ITGA9: variants seen among roughly 807,000 people sequenced by gnomAD.
The protein encoded by ITGA9 is integrin alpha-9.
A neutral mutation model predicts 127.8 loss-of-function variants in ITGA9; 56 were observed. The ratio of observed to expected loss-of-function variants is 0.44; its 90% CI spans 0.35 to 0.55. The LOEUF (loss-of-function observed/expected upper bound fraction) is 0.55, where lower values mean the gene tolerates loss of function less well. Among genes scored for constraint, ITGA9 ranks in the 20% least tolerant of loss-of-function variants. ITGA9 has a pLI of 0.00. For synonymous variants in ITGA9, 508 were observed against 514.5 expected, an observed-to-expected ratio of 0.99 and a Z score of 0.17; for missense variants, 1,196 against 1,347.1, an observed-to-expected ratio of 0.89 and a Z score of 1.76.
chr3:37,473,158 AAAAG>A (rs1559514811), intron 2 of ITGA9, among the ~76,000 whole-genome samples, 192 bp from the exon 3 acceptor site: 1 of 150,610 alleles, frequency 6.6e-6, no homozygotes, highest in South Asian at 2.1e-4. Context: ...AAAAAAAAAA[AAAAG>A]AAAGAAAAAG....
intron 15 of ITGA9, among the ~76,000 whole-genome samples, chr3:37,600,429 G>A (rs973430004): frequency 3.3e-5 from 5 of 152,050 alleles, no homozygotes; most frequent in South Asian, 4.2e-4. Context: ...TGCTACACTC[G>A]AGCCAAGGTG....
intron 23 of ITGA9, among the ~76,000 whole-genome samples, chr3:37,770,671 GAT>G (rs1457888279): frequency 6.6e-6 from 1 of 152,194 alleles, no homozygotes; most frequent in Non-Finnish European, 1.5e-5. Flanking sequence ...AATCAGCCCT[GAT>G]TCACACTTCA....
chr3:37,599,391 A>G (rs1225237797), intron 15 of ITGA9, among the ~76,000 whole-genome samples: 1 of 152,172 alleles, frequency 6.6e-6, no homozygotes, highest in Non-Finnish European at 1.5e-5. Flanking sequence ...GCCAATGCCT[A>G]TCATCATCCA....
At chr3:37,675,459 G>A (rs532674577) in intron 17 of ITGA9, among the ~76,000 whole-genome samples, 2 of 152,160 alleles carry the variant, frequency 1.3e-5, no homozygotes, top group East Asian at 3.9e-4. Flanking sequence ...TTTCAAACCT[G>A]TCTCCAGCTC....
intron 15 of ITGA9, among the ~76,000 whole-genome samples, chr3:37,581,936 A>G (rs940181678): frequency 2.0e-5 from 3 of 152,302 alleles, no homozygotes; most frequent in Admixed American, 6.5e-5. Context: ...AACCACTTTG[A>G]GAAACACTGT....
At chr3:37,617,914 C>T (rs1309973371) in intron 15 of ITGA9, among the ~76,000 whole-genome samples, 2 of 152,172 alleles carry the variant, frequency 1.3e-5, no homozygotes, top group South Asian at 2.1e-4. Flanking sequence ...CAAACTTCCT[C>T]CTTTAGCTCA....
chr3:37,527,640 T>A lies in ITGA9; in HGVS notation c.1373+1569T>A, dbSNP rs150943804. ...GGCTCCAAATGATTGAGGTTAGATT[T>A]GTGAATCTGGTTGCTCTAGTTGGTG... is the stretch of plus-strand genomic sequence containing the variant. On this transcript the variant is annotated intron_variant, in intron 13 of 27. Transcript: ENST00000264741. 9.2e-5 allele frequency among the ~76,000 whole-genome samples: 14 copies of A among 152,328 alleles called. No individual in the cohort carries two copies. The East Asian group carries it at 2.5e-3, about 27-fold the overall frequency.
At chr3:37,490,966 T>TCCCA (rs1698664473) in intron 4 of ITGA9, among the ~76,000 whole-genome samples, 1 of 108,718 alleles carries the variant, frequency 9.2e-6, no homozygotes, top group African/African-American at 3.4e-5. Flanking sequence ...AGATTTGGCT[T>TCCCA]CCCCCCCGCT....
chr3:37,585,375 C>T (rs1699748384), intron 15 of ITGA9, among the ~76,000 whole-genome samples: 1 of 152,182 alleles, frequency 6.6e-6, no homozygotes, highest in South Asian at 2.1e-4. Flanking sequence ...CTGAAGAGCC[C>T]ATGGAATGTC....
At chr3:37,797,499 C>T (rs71323632) in intron 26 of ITGA9, among the ~76,000 whole-genome samples, 4,132 of 152,200 alleles carry the variant, frequency 0.027, 70 homozygotes, top group Non-Finnish European at 0.038. Flanking sequence ...CTGCTGAAAA[C>T]AGGAGTAAGG....
intron 7 of ITGA9, 138 bp downstream of exon 7, chr3:37,506,223 T>G: frequency 1.4e-6 from 1 of 719,006 alleles, no homozygotes; most frequent in Non-Finnish European, 2.5e-6. Context: ...AGGAACCCCC[T>G]GACTGCCCCA....
intron 6 of ITGA9, among the ~76,000 whole-genome samples, chr3:37,505,536 A>T (rs1698831090): frequency 6.6e-6 from 1 of 152,230 alleles, no homozygotes; most frequent in Non-Finnish European, 1.5e-5. Flanking sequence ...TAGAAATCAG[A>T]ATAGTGGCTA....
At chr3:37,464,271 T>C (rs1698347307) in intron 1 of ITGA9, among the ~76,000 whole-genome samples, 1 of 134,478 alleles carries the variant, frequency 7.4e-6, no homozygotes, top group South Asian at 2.3e-4. Context: ...GCTCTATTTG[T>C]CAGGGTTTTT....
At position 37,741,807 on chromosome 3, in the gene ITGA9, C is replaced by T. The variant is rs752478910; in HGVS notation, c.2312C>T (p.Thr771Met). ...GTGCCACTGATGCACGAGGTGGACA[C>T]GTCCATCACCGGGTGAGTAGCCTGG... is the stretch of plus-strand genomic sequence containing the variant. ...LMVPLMHEVDTSITGIMSPTS... is the reference protein window; with the variant it reads ...LMVPLMHEVDMSITGIMSPTS... The change falls in exon 21 of 28, where the codon ACG becomes ATG. Residue 771 changes from threonine to methionine, a missense_variant. Physicochemically the swap from Thr to Met is moderately conservative, Grantham distance 81. Transcript: ENST00000264741. The T allele has an allele frequency of 1.2e-5, 20 of 1,613,232 alleles. No individual in the cohort carries two copies. The highest frequency in any genetic ancestry group is 1.1e-4 in the South Asian group (10 of 90,830).
intron 18 of ITGA9, among the ~76,000 whole-genome samples, chr3:37,708,673 C>A (rs1701039140): frequency 3.3e-5 from 5 of 152,422 alleles, no homozygotes; most frequent in East Asian, 1.9e-4. Context: ...GGACAGCTCC[C>A]CATACAACAA....
intron 15 of ITGA9, among the ~76,000 whole-genome samples, chr3:37,545,703 G>A (rs557980439): frequency 2.0e-5 from 3 of 152,142 alleles, no homozygotes; most frequent in African/African-American, 2.4e-5. Context: ...CCCAGTTTTG[G>A]GGATGGGGCC....
chr3:37,544,402 A>G (rs1699306021), intron 15 of ITGA9, among the ~76,000 whole-genome samples: 1 of 152,204 alleles, frequency 6.6e-6, no homozygotes, highest in Non-Finnish European at 1.5e-5. Context: ...TCACCAATGA[A>G]TAATTTTTTA....
chr3:37,481,739 C>G, intron 4 of ITGA9, 132 bp downstream of exon 4: 1 of 1,255,944 alleles, frequency 8.0e-7, no homozygotes, highest in Admixed American at 1.7e-5. Flanking sequence ...GCACTGTTTG[C>G]TCCCAGATGG....
At chr3:37,575,757 ATGCATGGCTGCATGGC>A (rs1343654185) in intron 15 of ITGA9, among the ~76,000 whole-genome samples, 1 of 152,156 alleles carries the variant, frequency 6.6e-6, no homozygotes, top group Non-Finnish European at 1.5e-5. Flanking sequence ...ATGGCTACAG[ATGCATGGCTGCATGGC>A]TGTGCATCAT....
Sources: gnomAD v4.1 joint callset for allele counts (sites outside exome capture counted in the v4.1 genomes callset) on GRCh38, gnomAD v4.1.1 for gene constraint, MANE v1.5 for transcripts, NCBI Gene and HGNC (gene_info 2026-07-23, HGNC 2026-07-21) for gene names.